Variants in NEDD9 observed in about 807,000 individuals in gnomAD.
The protein encoded by NEDD9 is enhancer of filamentation 1.
NEDD9 carries 26 observed loss-of-function variants against 76.6 expected under a neutral mutation model. That is an observed-to-expected ratio of 0.34 (90% CI 0.25 to 0.47). NEDD9 has a LOEUF of 0.47. Ranked by LOEUF, NEDD9 falls within the 20% of genes least tolerant of loss-of-function variation. NEDD9 has a pLI of 1.00. For missense variants in NEDD9, 937 were observed against 1,058.5 expected (o/e 0.89, Z 1.59); for synonymous variants, 392 against 414.2 (o/e 0.95, Z 0.65).
chr6:11,356,670 A>G (rs1199219007), intron 1 of NEDD9, among the ~76,000 whole-genome samples: 2 of 152,090 alleles, frequency 1.3e-5, no homozygotes, highest in East Asian at 1.9e-4. Context: ...ATTTTAGACC[A>G]CAGGCTCACT....
chr6:11,229,295 G>T (rs1046067031), intron 1 of NEDD9, among the ~76,000 whole-genome samples: 2 of 152,222 alleles, frequency 1.3e-5, no homozygotes, highest in African/African-American at 4.8e-5. Flanking sequence ...GGCACGTAAG[G>T]GCTCAGAAAT....
chr6:11,184,980 A>G lies in NEDD9; in HGVS notation c.*182T>C, dbSNP rs189352525. 1.6e-5 allele frequency: 12 copies of G among 766,106 alleles called. No homozygotes were observed. Among genetic ancestry groups the G allele is most frequent in the East Asian group, 1.1e-4 (4 of 35,292 alleles). 47.5% of individuals were successfully genotyped at this position (766,106 alleles called of 1,614,324 possible). A position where few individuals can be genotyped will look rare whatever the true frequency, so the allele number is the denominator to read the frequency against. The stretch of plus-strand genomic sequence containing the variant: ...ATACATAAGAACCACTCAGGGGGAA[A>G]AAAAAAGATTTCCCTCTCCAGCTCC... On this transcript the variant is annotated 3_prime_UTR_variant, in exon 7 of 7. Coordinates refer to ENST00000379446, the MANE Select transcript of NEDD9 (RefSeq NM_006403.4).
chr6:11,289,889 G>C (rs941866078), intron 3 of NEDD9, among the ~76,000 whole-genome samples: 3 of 152,154 alleles, frequency 2.0e-5, no homozygotes, highest in Admixed American at 2.0e-4. Context: ...ACAATATGCA[G>C]CATTTAATTA....
chr6:11,213,281 C>A lies in NEDD9; in HGVS notation c.459G>T (p.Lys153Asn). 1 of 1,594,792 alleles carries A rather than the reference C, an allele frequency of 6.3e-7. No homozygotes were observed. The highest frequency in any genetic ancestry group is 8.6e-7 in the Non-Finnish European group (1 of 1,167,396). ...AAAATTTAGTTAGTCATTTACTCAC[C>A]TTTTTACCCACGTGGGGCCCACTGG... ...GGTSGPHVGK[K>N]VITPVRTGHG... The change falls in exon 2 of 7, where the codon AAG (lysine) becomes AAT (asparagine). Residue 153 changes from lysine (K) to asparagine (N), a missense_variant and splice_region_variant. Transcript: ENST00000379446. The surrounding 1 kb of genome is among the most constrained non-coding windows in gnomAD (Gnocchi z 5.4).
At chr6:11,275,795 G>A (rs11961171) in intron 3 of NEDD9, among the ~76,000 whole-genome samples, 12,439 of 152,148 alleles carry the variant, frequency 0.082, 598 homozygotes, top group Middle Eastern at 0.15. Context: ...ATTCTTCCAA[G>A]CCACTCAAAT....
At chr6:11,257,539 T>A (rs888263545) in intron 3 of NEDD9, among the ~76,000 whole-genome samples, 1 of 152,236 alleles carries the variant, frequency 6.6e-6, no homozygotes, top group Non-Finnish European at 1.5e-5. Context: ...CTGACTTTGC[T>A]TCTTTTTGTC....
chr6:11,286,771 A>T (rs1263348445), intron 3 of NEDD9, among the ~76,000 whole-genome samples: 1 of 152,220 alleles, frequency 6.6e-6, no homozygotes, highest in Admixed American at 6.5e-5. Flanking sequence ...ATCCAAACTG[A>T]TGTATAGTGA....
upstream of NEDD9, among the ~76,000 whole-genome samples, chr6:11,236,515 G>C (rs1461235682): frequency 6.6e-6 from 1 of 152,220 alleles, no homozygotes; most frequent in Non-Finnish European, 1.5e-5. The surrounding 1 kb of genome is among the most constrained non-coding windows in gnomAD (Gnocchi z 5.5). Flanking sequence ...AGGGCAAAGA[G>C]TGAAGAGCAT....
rs571507293 is a variant in NEDD9 at position 11,299,345 on chromosome 6, G to A, written c.12+6647C>T. The stretch of plus-strand genomic sequence containing the variant: ...AAAGTGTCACAGTGAAAACAAAGAG[G>A]CCAGGAAGTACAAACTGGGCAGAGC... On this transcript the variant is annotated intron_variant, in intron 3 of 3. Coordinates refer to the NEDD9 transcript ENST00000397378. Among the ~76,000 whole-genome samples the A allele has an allele frequency of 2.4e-4, 36 of 152,316 alleles. 1 individual carries two copies. The South Asian group carries it at 4.1e-3, about 18-fold the overall frequency.
chr6:11,352,090 C>T (rs79336894), intron 1 of NEDD9: 3,718 of 152,358 alleles, frequency 0.024, 58 homozygotes, highest in African/African-American at 0.05. Context: ...GGCAGGGTCC[C>T]TTTCCAGTCT....
chr6:11,192,174 T>G (rs1758161071), intron 4 of NEDD9, among the ~76,000 whole-genome samples, 171 bp downstream of exon 4: 1 of 152,194 alleles, frequency 6.6e-6, no homozygotes, highest in Non-Finnish European at 1.5e-5. Context: ...TTAGTGCCTT[T>G]CCTTTTTTGC....
intron 3 of NEDD9, among the ~76,000 whole-genome samples, chr6:11,244,058 G>T (rs1268760461): frequency 6.6e-6 from 1 of 151,956 alleles, no homozygotes; most frequent in African/African-American, 2.4e-5. Context: ...CATGTGGGTG[G>T]GCCTCATCTA....
intron 1 of NEDD9, among the ~76,000 whole-genome samples, chr6:11,341,758 C>T (rs1762277238): frequency 6.6e-6 from 1 of 152,030 alleles, no homozygotes; most frequent in South Asian, 2.1e-4. Context: ...TCACAATGCC[C>T]AGTATTCAAT....
intron 2 of NEDD9, among the ~76,000 whole-genome samples, chr6:11,318,707 C>T (rs577181355): frequency 4.5e-4 from 69 of 152,186 alleles, no homozygotes; most frequent in African/African-American, 1.6e-3. Flanking sequence ...CAACAGAAAA[C>T]AGCTCACTCT....
chr6:11,254,561 T>G lies in NEDD9; in HGVS notation c.13-40834A>C, dbSNP rs187766657. ...CATTCTTTGGTGGTGATTTCTGAGA[T>G]TTTGCTGCACCTGTCACCCAAACAG... On this transcript the variant is annotated intron_variant, in intron 3 of 3. Coordinates refer to the NEDD9 transcript ENST00000397378. 2.6e-3 allele frequency among the ~76,000 whole-genome samples: 403 copies of G among 152,362 alleles called. 3 individuals carry two copies. The highest frequency in any genetic ancestry group is 9.3e-3 in the African/African-American group (387 of 41,582).
At chr6:11,234,806 C>T (rs1484195089), upstream of NEDD9, among the ~76,000 whole-genome samples, 1 of 151,010 alleles carries the variant, frequency 6.6e-6, no homozygotes, top group African/African-American at 2.4e-5. Flanking sequence ...ATCCCCGCAT[C>T]TCTGGTTCAA....
intron 3 of NEDD9, among the ~76,000 whole-genome samples, chr6:11,287,077 A>G (rs1434301947): frequency 6.6e-6 from 1 of 152,188 alleles, no homozygotes; most frequent in Non-Finnish European, 1.5e-5. Context: ...AATAATTTAT[A>G]TTTTCAGTAT....
At chr6:11,193,545 AC>A in intron 3 of NEDD9, 45 bp downstream of exon 3, 1 of 1,431,454 alleles carries the variant, frequency 7.0e-7, no homozygotes, top group Non-Finnish European at 9.8e-7. Context: ...AAGGAATGCT[AC>A]CCTTAGAAGC....
intron 2 of NEDD9, among the ~76,000 whole-genome samples, chr6:11,205,317 G>A (rs781194392): frequency 3.9e-5 from 6 of 152,184 alleles, no homozygotes; most frequent in Non-Finnish European, 7.3e-5. Context: ...GGCTCAAGGC[G>A]CCTTGGGGTC....
Sources: allele counts gnomAD v4.1 joint callset (sites outside exome capture counted in the v4.1 genomes callset), GRCh38; gene constraint gnomAD v4.1.1; non-coding constraint Gnocchi (gnomAD v3.1); transcripts MANE v1.5; gene names NCBI Gene and HGNC (gene_info 2026-07-23, HGNC 2026-07-21).